The following BMPR1A variants were observed in gnomAD, a reference collection of about 807,000 sequenced individuals.
BMPR1A encodes bone morphogenetic protein receptor type-1A.
BMPR1A carries 7 observed loss-of-function variants against 66.0 expected under a neutral mutation model. The ratio of observed to expected loss-of-function variants is 0.11; its 90% CI spans 0.06 to 0.20. The LOEUF is 0.20. Ranked by LOEUF, BMPR1A falls within the 10% of genes least tolerant of loss-of-function variation. The probability of loss-of-function intolerance (pLI) is 1.00; values close to 1 mark genes in which losing one functional copy is unlikely to be tolerated. For synonymous variants in BMPR1A, 200 were observed against 229.7 expected (o/e 0.87, Z 1.17); for missense variants, 408 against 669.1 (o/e 0.61, Z 4.31).
At chr10:86,859,750 C>T (rs1380339857) in intron 2 of BMPR1A, among the ~76,000 whole-genome samples, 1 of 152,096 alleles carries the variant, frequency 6.6e-6, no homozygotes, top group Non-Finnish European at 1.5e-5. Context: ...GCGGAGGTTG[C>T]AGTGAGCCAA....
In BMPR1A at chr10:86,890,223, A is replaced by C. The variant is rs878854666; in HGVS notation, c.229A>C (p.Ile77Leu). 1.2e-6 allele frequency: 2 copies of C among 1,614,104 alleles called. No homozygotes were observed. The highest frequency in any genetic ancestry group is 1.7e-6 in the Non-Finnish European group (2 of 1,179,978). ...AGATGATGCTATTAATAACACATGC[A>C]TGTAAGTATTTTATGCAGCCCTTCT... ...CPDDAINNTC[I>L]TNGHCFAIIE... Residue 77 changes from isoleucine to leucine, a missense_variant and splice_region_variant, in exon 4 of 13, where the codon ATA becomes CTA. Ile to Leu is a conservative substitution (Grantham distance 5). Transcript: ENST00000372037.
At chr10:86,888,122 A>G (rs929513038) in intron 3 of BMPR1A, among the ~76,000 whole-genome samples, 1 of 151,206 alleles carries the variant, frequency 6.6e-6, no homozygotes, top group Non-Finnish European at 1.5e-5. Flanking sequence ...GGGATGAGTA[A>G]TATATGTATG....
intron 1 of BMPR1A, among the ~76,000 whole-genome samples, chr10:86,789,052 GAC>G (rs1841560594): frequency 1.3e-5 from 2 of 152,158 alleles, no homozygotes; most frequent in South Asian, 4.1e-4. Flanking sequence ...ACAATTCTAA[GAC>G]ACCAATGGAA....
rs1342653467 is a variant in BMPR1A at position 86,927,671 on chromosome 10, G to A, written c.*3952G>A. 1 of 198,464 alleles carries A rather than the reference G, an allele frequency of 5.0e-6. No individual in the cohort carries two copies. The highest frequency in any genetic ancestry group is 7.9e-5 in the East Asian group (1 of 12,620). The allele number at this position is 198,464 out of a possible 1,614,324, so 12.3% of individuals were successfully genotyped here. ...TATTTAAGCCCTTTTAGTGACCTTT[G>A]TCCTGGCCCATTTAAAAACTAAAAT... On this transcript the variant is annotated 3_prime_UTR_variant, in exon 13 of 13. Transcript: ENST00000372037.
chr10:86,760,238 TTCTTTCTTTC>T (rs1841025553), intron 1 of BMPR1A, among the ~76,000 whole-genome samples: 4 of 110,434 alleles, frequency 3.6e-5, no homozygotes, highest in Non-Finnish European at 5.5e-5. Flanking sequence ...CTTTCTTTCT[TTCTTTCTTTC>T]TTTTTTTTTT....
intron 2 of BMPR1A, among the ~76,000 whole-genome samples, chr10:86,875,536 T>C (rs952360019): frequency 1.3e-5 from 2 of 152,292 alleles, no homozygotes; most frequent in African/African-American, 4.8e-5. Flanking sequence ...AAATTTAACT[T>C]TTCCTGTTTA....
At chr10:86,896,026 C>T (rs563196379) in intron 5 of BMPR1A, among the ~76,000 whole-genome samples, 2 of 151,884 alleles carry the variant, frequency 1.3e-5, no homozygotes, top group Non-Finnish European at 2.9e-5. Context: ...TGGTGGCACA[C>T]TCCTGTAATC....
intron 1 of BMPR1A, among the ~76,000 whole-genome samples, chr10:86,773,730 T>G (rs1335718348): frequency 6.6e-6 from 1 of 152,156 alleles, no homozygotes; most frequent in African/African-American, 2.4e-5. Context: ...CGTTCTTTAT[T>G]TATAGGTTCT....
At chr10:86,921,205 T>C (rs904588213) in intron 10 of BMPR1A, among the ~76,000 whole-genome samples, 13 of 152,088 alleles carry the variant, frequency 8.5e-5, no homozygotes, top group Non-Finnish European at 1.6e-4. Flanking sequence ...CCAGACTTAT[T>C]TAGTGACAAA....
At position 86,924,311 on chromosome 10, in the gene BMPR1A, A is replaced by G. The variant is rs1453386211; in HGVS notation, c.*592A>G. On this transcript the variant is annotated 3_prime_UTR_variant, in exon 13 of 13. Transcript: ENST00000372037. ...AATTAGAAGAAAATAATTTATATGC[A>G]TGCACAGGAAGATATTGGTGGCCGG... is the stretch of plus-strand genomic sequence containing the variant. The G allele has an allele frequency of 8.4e-6, 2 of 238,750 alleles. No individual in the cohort carries two copies. Among genetic ancestry groups the G allele is most frequent in the Non-Finnish European group, 1.7e-5 (2 of 120,838 alleles). The allele number at this position is 238,750 out of a possible 1,614,324, so 14.8% of individuals were successfully genotyped here. A position where few individuals can be genotyped will look rare whatever the true frequency, so the allele number is the denominator to read the frequency against.
intron 2 of BMPR1A, among the ~76,000 whole-genome samples, chr10:86,860,873 G>A (rs1338263454): frequency 1.5e-5 from 2 of 136,508 alleles, no homozygotes; most frequent in South Asian, 2.3e-4. Flanking sequence ...GCGGAGTCTC[G>A]CTCTGCCGCC....
chr10:86,921,492 C>G (rs762073295), intron 10 of BMPR1A, 28 bp from the exon 11 acceptor site: 1 of 1,613,264 alleles, frequency 6.2e-7, no homozygotes, highest in African/African-American at 1.3e-5. Context: ...TGGCCCTCAA[C>G]TTGGACCTTG....
At chr10:86,791,711 C>T (rs71503853) in intron 1 of BMPR1A, among the ~76,000 whole-genome samples, 37 of 56,432 alleles carry the variant, frequency 6.6e-4, no homozygotes, top group African/African-American at 1.8e-3. Context: ...CTCCCTCCCT[C>T]CCTTCCTTCC....
rs1843765496 is a variant in BMPR1A, at chr10:86,927,885, TAA to T, written c.*4167_*4168del. The T allele has an allele frequency of 5.3e-6, 1 of 189,940 alleles. No homozygotes were observed. Among genetic ancestry groups the T allele is most frequent in the African/African-American group, 2.3e-5 (1 of 42,874 alleles). 11.8% of individuals were successfully genotyped at this position (189,940 alleles called of 1,614,324 possible). On this transcript the variant is annotated 3_prime_UTR_variant, in exon 13 of 13. Coordinates refer to ENST00000372037, the MANE Select transcript of BMPR1A (RefSeq NM_004329.3). The stretch of plus-strand genomic sequence containing the variant: ...ACAGCATCTGGTTTAAAAGGTGCCT[TAA>T]GAGTTTACCATTACTTGCTTTGTTC...
At position 86,924,541 on chromosome 10, in the gene BMPR1A, A is replaced by G. The variant is rs1843713775; in HGVS notation, c.*822A>G. On this transcript the variant is annotated 3_prime_UTR_variant, in exon 13 of 13. Coordinates refer to ENST00000372037, the MANE Select transcript of BMPR1A (RefSeq NM_004329.3). The stretch of plus-strand genomic sequence containing the variant: ...TTTTTTTGTGGTTATTATTTTTGTC[A>G]CGGAAAGCATCCTCTCCAAAGTTGG... 4.3e-6 allele frequency: 1 copy of G among 233,640 alleles called. No individual in the cohort carries two copies. Among genetic ancestry groups the G allele is most frequent in the Non-Finnish European group, 8.5e-6 (1 of 118,074 alleles). The allele number at this position is 233,640 out of a possible 1,614,324, so 14.5% of individuals were successfully genotyped here. A position where few individuals can be genotyped will look rare whatever the true frequency, so the allele number is the denominator to read the frequency against.
chr10:86,864,781 T>C (rs971818139), intron 2 of BMPR1A, among the ~76,000 whole-genome samples: 5 of 152,114 alleles, frequency 3.3e-5, no homozygotes, highest in Non-Finnish European at 7.4e-5. Flanking sequence ...AGTTTCTCAA[T>C]TCATCCAAAA....
intron 1 of BMPR1A, among the ~76,000 whole-genome samples, chr10:86,788,643 G>T (rs1841552092): frequency 6.6e-6 from 1 of 152,112 alleles, no homozygotes; most frequent in Non-Finnish European, 1.5e-5. Context: ...TTTGGCTCTT[G>T]TCACCCAGGT....
chr10:86,830,492 C>T (rs1224195736), intron 1 of BMPR1A, among the ~76,000 whole-genome samples: 1 of 152,174 alleles, frequency 6.6e-6, no homozygotes, highest in Non-Finnish European at 1.5e-5. Context: ...ACATTCGTGT[C>T]CACATTTGGT....
At chr10:86,763,052 C>T (rs1310499222) in intron 1 of BMPR1A, among the ~76,000 whole-genome samples, 4 of 152,080 alleles carry the variant, frequency 2.6e-5, no homozygotes, top group Non-Finnish European at 4.4e-5. Context: ...TGAGCCACCA[C>T]GCCTGGCTAA....
Sources: gnomAD v4.1 joint callset for allele counts (sites outside exome capture counted in the v4.1 genomes callset) on GRCh38, gnomAD v4.1.1 for gene constraint, MANE v1.5 for transcripts, NCBI Gene and HGNC (gene_info 2026-07-23, HGNC 2026-07-21) for gene names.